Variants in BTC observed in about 807,000 individuals in gnomAD.
The protein encoded by BTC is probetacellulin.
A neutral mutation model predicts 18.1 loss-of-function variants in BTC; 13 were observed. The observed-to-expected ratio is 0.72, with a 90% CI of 0.47 to 1.14. The LOEUF is 1.14. Among genes scored for constraint, BTC ranks in the 50% most tolerant of loss-of-function variants. The pLI is 0.00. For synonymous variants in BTC, 83 were observed against 79.4 expected (o/e 1.05, Z -0.24); for missense variants, 247 against 224.2 (o/e 1.10, Z -0.65).
At position 74,794,365 on chromosome 4, in the gene BTC, C is replaced by T. The variant is rs960801939; in HGVS notation, c.-40G>A. 1.3e-5 allele frequency: 19 copies of T among 1,490,132 alleles called. No homozygotes were observed. Among genetic ancestry groups the T allele is most frequent in the South Asian group, 3.8e-5 (3 of 78,236 alleles). 92.3% of individuals were successfully genotyped at this position (1,490,132 alleles called of 1,614,324 possible). A position where few individuals can be genotyped will look rare whatever the true frequency, so the allele number is the denominator to read the frequency against. The stretch of plus-strand genomic sequence containing the variant: ...CGGGCCGGGCAGCCCCTAGACAAGT[C>T]TCCCTCCTTCTTCGCCCCCTTCCCG... On this transcript the variant is annotated 5_prime_UTR_variant, in exon 1 of 6. Transcript: ENST00000395743.
At chr4:74,752,136 CA>C (rs1168492372) in intron 3 of BTC, among the ~76,000 whole-genome samples, 2 of 151,848 alleles carry the variant, frequency 1.3e-5, no homozygotes, top group East Asian at 3.9e-4. Flanking sequence ...AACAAATAAA[CA>C]AAAAAACAAG....
At chr4:74,770,683 T>C (rs1577960592) in intron 1 of BTC, among the ~76,000 whole-genome samples, 1 of 152,110 alleles carries the variant, frequency 6.6e-6, no homozygotes, top group East Asian at 1.9e-4. Context: ...GGCCACATGT[T>C]TTACGAGGGA....
chr4:74,786,688 G>A (rs956490016), intron 1 of BTC, among the ~76,000 whole-genome samples: 1 of 152,196 alleles, frequency 6.6e-6, no homozygotes, highest in African/African-American at 2.4e-5. Flanking sequence ...CCACTGGAGA[G>A]TGTCCTGAGT....
At position 74,746,422 on chromosome 4, in the gene BTC, G is replaced by A. The variant is rs1389614016; in HGVS notation, c.*255C>T. On this transcript the variant is annotated 3_prime_UTR_variant, in exon 6 of 6. Transcript: ENST00000395743. ...TAGTAATCCTGGTGACAATACTTAA[G>A]TGAAAGGTTATTGAAATTTCCCTTC... 5.2e-5 allele frequency: 8 copies of A among 152,502 alleles called. No homozygotes were observed. Among genetic ancestry groups the A allele is most frequent in the Non-Finnish European group, 1.2e-4 (8 of 68,026 alleles). The allele number at this position is 152,502 out of a possible 1,614,324, so 9.4% of individuals were successfully genotyped here.
intron 1 of BTC, among the ~76,000 whole-genome samples, chr4:74,788,049 C>T (rs1725526924): frequency 6.6e-6 from 1 of 152,110 alleles, no homozygotes; most frequent in African/African-American, 2.4e-5. Flanking sequence ...GATAGGAAAC[C>T]ATGTAATATT....
At chr4:74,767,912 C>T (rs116049054) in intron 2 of BTC, among the ~76,000 whole-genome samples, 497 of 152,074 alleles carry the variant, frequency 3.3e-3, no homozygotes, top group Non-Finnish European at 5.2e-3. Context: ...ATTTAAGACC[C>T]GAAACAGTAA....
chr4:74,764,675 T>C (rs1466247654), intron 2 of BTC, among the ~76,000 whole-genome samples: 1 of 152,178 alleles, frequency 6.6e-6, no homozygotes, highest in Non-Finnish European at 1.5e-5. Flanking sequence ...ATGTCTTTTG[T>C]AGCAACTGTG....
At chr4:74,767,310 A>C (rs1447609525) in intron 2 of BTC, among the ~76,000 whole-genome samples, 2 of 152,000 alleles carry the variant, frequency 1.3e-5, no homozygotes, top group East Asian at 3.8e-4. Flanking sequence ...TTCAAAAAGC[A>C]AAGTAAAAAA....
chr4:74,791,882 T>G (rs984798253), intron 1 of BTC, among the ~76,000 whole-genome samples: 4 of 151,870 alleles, frequency 2.6e-5, no homozygotes, highest in Non-Finnish European at 5.9e-5. Context: ...AGTTGTAACT[T>G]ACAGACATCT....
chr4:74,750,335 T>C (rs1247857029), intron 4 of BTC, among the ~76,000 whole-genome samples: 2 of 152,198 alleles, frequency 1.3e-5, no homozygotes, highest in Non-Finnish European at 2.9e-5. Context: ...AAGTCTTATG[T>C]AGCCTACTAT....
chr4:74,788,607 T>C (rs188466180), intron 1 of BTC, among the ~76,000 whole-genome samples: 1 of 152,350 alleles, frequency 6.6e-6, no homozygotes, highest in East Asian at 1.9e-4. Flanking sequence ...AGACATACTT[T>C]AAAATGGTAA....
At chr4:74,775,751 C>A (rs953343650) in intron 1 of BTC, among the ~76,000 whole-genome samples, 7 of 152,170 alleles carry the variant, frequency 4.6e-5, no homozygotes, top group Non-Finnish European at 7.3e-5. Context: ...TTATTTTACT[C>A]TGCTCCTTGG....
intron 2 of BTC, among the ~76,000 whole-genome samples, chr4:74,764,656 A>T (rs1031470719): frequency 6.6e-6 from 1 of 152,218 alleles, no homozygotes; most frequent in Non-Finnish European, 1.5e-5. Context: ...CATAAAAAGG[A>T]ACAAAATAAT....
At chr4:74,764,916 G>T (rs1027996781) in intron 2 of BTC, among the ~76,000 whole-genome samples, 2 of 151,968 alleles carry the variant, frequency 1.3e-5, no homozygotes, top group Admixed American at 1.3e-4. Context: ...GACAGTGATT[G>T]AGGAGCAAAG....
chr4:74,748,966 T>A (rs1323204005), intron 4 of BTC, among the ~76,000 whole-genome samples: 4 of 152,222 alleles, frequency 2.6e-5, no homozygotes, highest in Non-Finnish European at 5.9e-5. Flanking sequence ...TAATATTTCT[T>A]CCTACCTTAA....
At chr4:74,756,268 A>AG (rs1724595905) in intron 2 of BTC, among the ~76,000 whole-genome samples, 1 of 152,164 alleles carries the variant, frequency 6.6e-6, no homozygotes, top group Admixed American at 6.5e-5. Flanking sequence ...GTATAATAAG[A>AG]GAGAAGGCTT....
chr4:74,767,543 A>G (rs539822618), intron 2 of BTC, among the ~76,000 whole-genome samples: 7 of 152,122 alleles, frequency 4.6e-5, no homozygotes, highest in African/African-American at 1.4e-4. Context: ...AATTCCAATG[A>G]CTTTTTTTTT....
intron 2 of BTC, among the ~76,000 whole-genome samples, chr4:74,760,891 C>T (rs1034468626): frequency 2.0e-4 from 30 of 152,108 alleles, no homozygotes; most frequent in African/African-American, 6.5e-4. Flanking sequence ...CCCACCACCA[C>T]GCCTGGCTAA....
chr4:74,794,504 G>A lies in BTC; in HGVS notation c.-179C>T, dbSNP rs974141970. On this transcript the variant is annotated 5_prime_UTR_variant, in exon 1 of 6. Coordinates refer to ENST00000395743, the MANE Select transcript of BTC (RefSeq NM_001729.4). ...AGGCAGGGAAACACCCAGGGCGGGA[G>A]GCCGGCCGGCTCCGTGAATGTCGCC... 8 of 675,538 alleles carry A rather than the reference G, an allele frequency of 1.2e-5. No homozygotes were observed. The highest frequency in any genetic ancestry group is 3.3e-5 in the Admixed American group (1 of 30,336). 41.8% of individuals were successfully genotyped at this position (675,538 alleles called of 1,614,324 possible).
Sources: gnomAD v4.1 joint callset for allele counts (sites outside exome capture counted in the v4.1 genomes callset) on GRCh38, gnomAD v4.1.1 for gene constraint, MANE v1.5 for transcripts, NCBI Gene and HGNC (gene_info 2026-07-23, HGNC 2026-07-21) for gene names.